The following LRRC4C variants were observed in gnomAD, a reference collection of about 807,000 sequenced individuals.
The protein encoded by LRRC4C is leucine-rich repeat-containing protein 4C.
A neutral mutation model predicts 33.6 loss-of-function variants in LRRC4C; 5 were observed. The observed-to-expected ratio is 0.15, with a 90% CI of 0.08 to 0.31. The LOEUF (loss-of-function observed/expected upper bound fraction) is 0.31. Ranked by LOEUF, LRRC4C falls within the 10% of genes least tolerant of loss-of-function variation. LRRC4C has a pLI of 1.00. For missense variants in LRRC4C, 560 were observed against 796.7 expected (o/e 0.70, Z 3.58); for synonymous variants, 329 against 302.0 (o/e 1.09, Z -0.93).
At chr11:41,084,764 G>A (rs556771194) in intron 1 of LRRC4C, among the ~76,000 whole-genome samples, 2 of 152,216 alleles carry the variant, frequency 1.3e-5, no homozygotes, top group East Asian at 1.9e-4. Context: ...CAGGAGAATC[G>A]CTTGAACCCG....
chr11:41,249,413 C>T (rs1442335987), intron 1 of LRRC4C, among the ~76,000 whole-genome samples: 1 of 152,152 alleles, frequency 6.6e-6, no homozygotes, highest in Admixed American at 6.5e-5. Context: ...TATTATTTGG[C>T]ATGTAGATGT....
chr11:41,339,567 C>T (rs758335451), intron 1 of LRRC4C, among the ~76,000 whole-genome samples: 5 of 152,142 alleles, frequency 3.3e-5, no homozygotes, highest in Non-Finnish European at 5.9e-5. Flanking sequence ...GTCATTTCTT[C>T]AGCACCCTCT....
intron 1 of LRRC4C, among the ~76,000 whole-genome samples, chr11:41,131,435 T>C (rs1943006747): frequency 1.3e-5 from 2 of 152,142 alleles, no homozygotes; most frequent in Non-Finnish European, 2.9e-5. Flanking sequence ...CTATTTAAAC[T>C]ACAATAACAT....
chr11:41,147,352 G>A (rs1433116119), intron 1 of LRRC4C, among the ~76,000 whole-genome samples: 1 of 152,106 alleles, frequency 6.6e-6, no homozygotes, highest in Non-Finnish European at 1.5e-5. Context: ...ACCTCGGTGA[G>A]GAAGTAACCT....
At chr11:41,120,509 G>T (rs1942367976) in intron 1 of LRRC4C, among the ~76,000 whole-genome samples, 1 of 152,114 alleles carries the variant, frequency 6.6e-6, no homozygotes, top group South Asian at 2.1e-4. Flanking sequence ...AGGATTGGAG[G>T]TTGGGGAGAA....
At chr11:40,308,871 C>T (rs1464963861) in intron 4 of LRRC4C, among the ~76,000 whole-genome samples, 1 of 152,186 alleles carries the variant, frequency 6.6e-6, no homozygotes, top group Non-Finnish European at 1.5e-5. Context: ...ATACTTGAAG[C>T]TACTCTGGTT....
At chr11:40,278,214 C>T (rs2136417740) in intron 4 of LRRC4C, among the ~76,000 whole-genome samples, 2 of 152,194 alleles carry the variant, frequency 1.3e-5, no homozygotes, top group Middle Eastern at 6.8e-3. Context: ...TATCCAAAGG[C>T]CAGATATGAG....
intron 1 of LRRC4C, among the ~76,000 whole-genome samples, chr11:41,282,494 G>A (rs188628730): frequency 6.6e-6 from 1 of 152,284 alleles, no homozygotes; most frequent in East Asian, 1.9e-4. Flanking sequence ...AATGGGAGAA[G>A]TCCCAGAATC....
chr11:40,881,659 C>T (rs200656004), intron 2 of LRRC4C, among the ~76,000 whole-genome samples: 5 of 145,374 alleles, frequency 3.4e-5, no homozygotes, highest in African/African-American at 5.0e-5. Flanking sequence ...TAGTTTTTTT[C>T]TTTTTTTTTT....
At chr11:40,608,425 C>T (rs975854627) in intron 3 of LRRC4C, among the ~76,000 whole-genome samples, 9 of 150,626 alleles carry the variant, frequency 6.0e-5, no homozygotes, top group Admixed American at 5.9e-4. Context: ...CCTGTCACTA[C>T]AAAAAAGAAA....
chr11:40,895,582 A>G (rs554676043), intron 2 of LRRC4C, among the ~76,000 whole-genome samples: 83 of 152,278 alleles, frequency 5.5e-4, no homozygotes, highest in Non-Finnish European at 1.1e-3. Context: ...TTCTGTTTTA[A>G]AAGGTATTTA....
intron 1 of LRRC4C, among the ~76,000 whole-genome samples, chr11:41,279,578 C>G (rs1341599320): frequency 6.6e-6 from 1 of 152,080 alleles, no homozygotes; most frequent in African/African-American, 2.4e-5. Flanking sequence ...ATTCCTTATC[C>G]CCTGTCCCAA....
intron 2 of LRRC4C, among the ~76,000 whole-genome samples, chr11:40,911,817 C>A (rs1268172347): frequency 1.3e-5 from 2 of 152,112 alleles, no homozygotes; most frequent in Non-Finnish European, 2.9e-5. Flanking sequence ...ACACAAATGG[C>A]TAACTAGAAT....
chr11:41,260,222 C>A (rs1188644151), intron 1 of LRRC4C, among the ~76,000 whole-genome samples: 3 of 151,990 alleles, frequency 2.0e-5, no homozygotes, highest in Non-Finnish European at 4.4e-5. Flanking sequence ...AGATACCTTG[C>A]CTGTTTCTAG....
chr11:40,671,113 A>T (rs1944083590), intron 2 of LRRC4C, among the ~76,000 whole-genome samples: 1 of 152,184 alleles, frequency 6.6e-6, no homozygotes, highest in Admixed American at 6.5e-5. Context: ...ATGTGTATGG[A>T]TTGTAGCGTT....
chr11:41,148,793 G>A (rs1943848390), intron 1 of LRRC4C, among the ~76,000 whole-genome samples: 1 of 152,014 alleles, frequency 6.6e-6, no homozygotes, highest in African/African-American at 2.4e-5. Flanking sequence ...GGGAAAAATG[G>A]CATTTACCTG....
intron 3 of LRRC4C, among the ~76,000 whole-genome samples, chr11:40,504,465 G>C (rs200266900): frequency 9.4e-6 from 1 of 106,346 alleles, no homozygotes; most frequent in East Asian, 2.6e-4. Context: ...ATGCCACTTG[G>C]AGGCATCTGT....
At chr11:40,888,239 T>TA (rs537862824) in intron 2 of LRRC4C, among the ~76,000 whole-genome samples, 11 of 151,944 alleles carry the variant, frequency 7.2e-5, no homozygotes, top group Non-Finnish European at 1.6e-4. Context: ...CCCATATAGA[T>TA]ATAAACATAC....
intron 2 of LRRC4C, among the ~76,000 whole-genome samples, chr11:40,799,414 AC>A (rs1950955121): frequency 1.3e-5 from 2 of 152,248 alleles, no homozygotes; most frequent in African/African-American, 2.4e-5. Context: ...GTATAAAAAA[AC>A]AACATGGTAG....
Sources: gnomAD v4.1 joint callset for allele counts (sites outside exome capture counted in the v4.1 genomes callset) on GRCh38, gnomAD v4.1.1 for gene constraint, MANE v1.5 for transcripts, NCBI Gene and HGNC (gene_info 2026-07-23, HGNC 2026-07-21) for gene names.